Variants in CCDC68 observed in about 807,000 individuals in gnomAD.
The protein encoded by CCDC68 is coiled-coil domain-containing protein 68.
A neutral mutation model predicts 47.1 loss-of-function variants in CCDC68; 45 were observed. The ratio of observed to expected loss-of-function variants is 0.96; its 90% confidence interval spans 0.75 to 1.23. CCDC68 has a LOEUF of 1.23. CCDC68 is among the 50% of genes most tolerant of loss of function. The pLI is 0.00. For synonymous variants in CCDC68, 131 were observed against 129.5 expected (o/e 1.01, Z -0.08); for missense variants, 353 against 373.6 (o/e 0.94, Z 0.45).
At chr18:54,950,629 T>C (rs1461388846) in intron 1 of CCDC68, among the ~76,000 whole-genome samples, 1 of 152,140 alleles carries the variant, frequency 6.6e-6, no homozygotes, top group Admixed American at 6.5e-5. Context: ...AATTCTTAGA[T>C]ATAAGATAAA....
intron 8 of CCDC68, among the ~76,000 whole-genome samples, chr18:54,925,859 A>G (rs969451834): frequency 2.0e-5 from 3 of 152,212 alleles, no homozygotes; most frequent in African/African-American, 7.2e-5. Flanking sequence ...TACCATTCCC[A>G]GGCCAGACTA....
At chr18:54,940,466 T>C (rs1033443615) in intron 4 of CCDC68, among the ~76,000 whole-genome samples, 152 of 152,220 alleles carry the variant, frequency 1.0e-3, no homozygotes, top group African/African-American at 3.6e-3. Flanking sequence ...GTGGACTCTG[T>C]GGCCATGCCT....
At chr18:54,935,214 G>A (rs1304650041) in intron 6 of CCDC68, among the ~76,000 whole-genome samples, 1 of 152,162 alleles carries the variant, frequency 6.6e-6, no homozygotes, top group Non-Finnish European at 1.5e-5. Flanking sequence ...AGGTATAAGA[G>A]AGAAAGATGC....
At chr18:54,924,185 A>ATG (rs1411644262) in intron 8 of CCDC68, among the ~76,000 whole-genome samples, 12 of 152,224 alleles carry the variant, frequency 7.9e-5, no homozygotes, top group African/African-American at 2.9e-4. Context: ...AAATGTTGAA[A>ATG]TTAAAGCAGA....
Position 54,901,868 on chromosome 18 carries a change from C to T in CCDC68, c.*2490G>A, listed in dbSNP as rs1913700106. The T allele has an allele frequency of 6.7e-6, 1 of 150,092 alleles. No homozygotes were observed. The highest frequency in any genetic ancestry group is 1.5e-5 in the Non-Finnish European group (1 of 67,668). The allele number at this position is 150,092 out of a possible 1,614,324, so 9.3% of individuals were successfully genotyped here. A position where few individuals can be genotyped will look rare whatever the true frequency, so the allele number is the denominator to read the frequency against. ...AATAAATATTATTCCCCCTTGTAAT[C>T]TTGTTTTTTCACTGAGAAGTGTTTT... is the stretch of plus-strand genomic sequence containing the variant. On this transcript the variant is annotated 3_prime_UTR_variant, in exon 12 of 12. Coordinates refer to ENST00000591504, the MANE Select transcript of CCDC68 (RefSeq NM_025214.3).
intron 1 of CCDC68, among the ~76,000 whole-genome samples, chr18:54,956,989 G>A (rs1279249005): frequency 6.6e-6 from 1 of 152,060 alleles, no homozygotes; most frequent in African/African-American, 2.4e-5. Context: ...TTCCTCTGGG[G>A]GTGGGGTGAA....
At chr18:54,913,491 G>A (rs1914483921) in intron 10 of CCDC68, among the ~76,000 whole-genome samples, 1 of 152,154 alleles carries the variant, frequency 6.6e-6, no homozygotes, top group South Asian at 2.1e-4. Flanking sequence ...CTATTCACTA[G>A]GAATAGGATA....
chr18:54,936,117 G>T, intron 6 of CCDC68, among the ~76,000 whole-genome samples: 1 of 143,186 alleles, frequency 7.0e-6, no homozygotes, highest in South Asian at 2.2e-4. Flanking sequence ...TATTTATATA[G>T]ATAAATATAT....
chr18:54,949,250 C>T (rs767820489), intron 1 of CCDC68, among the ~76,000 whole-genome samples: 29 of 152,228 alleles, frequency 1.9e-4, no homozygotes, highest in Non-Finnish European at 4.1e-4. Flanking sequence ...CCCACCTTGG[C>T]TTCCCAAAGT....
intron 7 of CCDC68, among the ~76,000 whole-genome samples, chr18:54,930,805 G>A (rs939379623): frequency 1.0e-3 from 151 of 149,518 alleles, no homozygotes; most frequent in African/African-American, 3.7e-3. Context: ...TGCAACCTCC[G>A]CCTCCCAGGT....
At position 54,936,965 on chromosome 18, in the gene CCDC68, A is replaced by G. The variant is rs755860673; in HGVS notation, c.346-7T>C. ...CTTCTCTGGAGGCTTGCAGCTAGAA[A>G]AAAGGTCACTATGCATGTTCTGACA... is the stretch of plus-strand genomic sequence containing the variant. On this transcript the variant is annotated splice_polypyrimidine_tract_variant and splice_region_variant and intron_variant, in intron 5 of 11. Transcript: ENST00000591504. 1.7e-5 allele frequency: 27 copies of G among 1,613,992 alleles called. No individual in the cohort carries two copies. Among genetic ancestry groups the G allele is most frequent in the Non-Finnish European group, 2.2e-5 (26 of 1,179,996 alleles).
At chr18:54,956,699 C>T (rs769685761) in intron 1 of CCDC68, among the ~76,000 whole-genome samples, 1 of 152,086 alleles carries the variant, frequency 6.6e-6, no homozygotes, top group Non-Finnish European at 1.5e-5. Context: ...ATGAAATGTC[C>T]AGAAAAGGCA....
chr18:54,924,507 C>T (rs1216454313), intron 8 of CCDC68, among the ~76,000 whole-genome samples: 1 of 152,110 alleles, frequency 6.6e-6, no homozygotes, highest in African/African-American at 2.4e-5. Flanking sequence ...TCTGCCCTAC[C>T]CTTTTGAAGG....
intron 6 of CCDC68, 105 bp downstream of exon 6, chr18:54,936,728 T>A: frequency 7.2e-7 from 1 of 1,388,398 alleles, no homozygotes. Flanking sequence ...TTTTGCCAAG[T>A]CACTTGGCCA....
chr18:54,934,885 C>T lies in CCDC68; in HGVS notation c.535G>A (p.Glu179Lys), dbSNP rs2044317838. The T allele has an allele frequency of 1.2e-6, 2 of 1,602,952 alleles. No individual in the cohort carries two copies. Among genetic ancestry groups the T allele is most frequent in the Non-Finnish European group, 1.7e-6 (2 of 1,174,962 alleles). Reference protein sequence around the residue: ...QHVENLNQVAEKLEEKHSQIT... With the variant: ...QHVENLNQVAKKLEEKHSQIT... ...TGACTGTGTTTTTCTTCAAGTTTTT[C>T]AGCAACTTGATTCAGATTTTCAACA... Residue 179 changes from glutamate to lysine, a missense_variant, in exon 7 of 12, where the codon GAA becomes AAA. Physicochemically the swap from Glu to Lys is moderately conservative, Grantham distance 56. Transcript: ENST00000591504.
intron 1 of CCDC68, chr18:54,958,131 T>G (rs2044745011): frequency 6.6e-6 from 1 of 152,268 alleles, no homozygotes; most frequent in African/African-American, 2.4e-5. Context: ...AACCTTCTTA[T>G]GACGTCGGCC....
intron 9 of CCDC68, among the ~76,000 whole-genome samples, chr18:54,918,731 A>G (rs1372435974): frequency 6.6e-6 from 1 of 152,222 alleles, no homozygotes; most frequent in Non-Finnish European, 1.5e-5. Flanking sequence ...GTCTGATTTT[A>G]AATTTTAAAA....
chr18:54,953,541 T>C (rs1461098645), intron 1 of CCDC68, among the ~76,000 whole-genome samples: 1 of 128,254 alleles, frequency 7.8e-6, no homozygotes, highest in African/African-American at 3.2e-5. Context: ...CACACACACA[T>C]ATATATATAT....
chr18:54,923,384 C>G (rs555535607), intron 8 of CCDC68, among the ~76,000 whole-genome samples: 1 of 151,568 alleles, frequency 6.6e-6, no homozygotes, highest in South Asian at 2.1e-4. Context: ...AAATCCCAAG[C>G]TCAGAAAAAT....
Sources: allele counts gnomAD v4.1 joint callset (sites outside exome capture counted in the v4.1 genomes callset), GRCh38; gene constraint gnomAD v4.1.1; transcripts MANE v1.5; gene names NCBI Gene and HGNC (gene_info 2026-07-23, HGNC 2026-07-21).